Variants in SLC25A25 observed in about 807,000 individuals in gnomAD.
The protein encoded by SLC25A25 is mitochondrial adenyl nucleotide antiporter SLC25A25.
SLC25A25 carries 32 observed loss-of-function variants against 57.7 expected under a neutral mutation model. The observed-to-expected ratio is 0.55, with a 90% CI of 0.42 to 0.74. The LOEUF (loss-of-function observed/expected upper bound fraction) is 0.74, where lower values mean the gene tolerates loss of function less well. Among genes scored for constraint, SLC25A25 ranks in the 30% least tolerant of loss-of-function variants. SLC25A25 has a pLI of 0.00. For missense variants in SLC25A25, 556 were observed against 701.3 expected (o/e 0.79, Z 2.34); for synonymous variants, 306 against 291.2 (o/e 1.05, Z -0.52).
chr9:128,083,014 G>T (rs1833187354), intron 1 of SLC25A25, among the ~76,000 whole-genome samples: 1 of 151,376 alleles, frequency 6.6e-6, no homozygotes, highest in Non-Finnish European at 1.5e-5. Flanking sequence ...AGATCACAAG[G>T]TCAGGAGTTC....
At chr9:128,074,890 C>A (rs977995291) in intron 1 of SLC25A25, among the ~76,000 whole-genome samples, 6 of 152,068 alleles carry the variant, frequency 3.9e-5, no homozygotes, top group African/African-American at 1.4e-4. Context: ...AATCTCAGCA[C>A]TTTGGGAGGC....
chr9:128,107,361 T>C lies in SLC25A25; in HGVS notation c.1465T>C (p.Phe489Leu), dbSNP rs1395840845. ...FGLYRGLAPN[F>L]MKVIPAVSIS... Reference sequence around the variant, plus strand: ...GCTGTACAGGGGGCTGGCCCCCAACTTCATGAAGGTCATCCCAGCTGTGAG... The same window carrying C: ...GCTGTACAGGGGGCTGGCCCCCAACCTCATGAAGGTCATCCCAGCTGTGAG... Residue 489 changes from phenylalanine (F) to leucine (L), a missense_variant, in exon 11 of 11, where the codon TTC (phenylalanine) becomes CTC (leucine). By Grantham distance (22) the Phe-to-Leu change is conservative. Around this residue, in one of 3 missense-constraint regions of SLC25A25, gnomAD observed 294 missense variants for 389.6 expected, o/e 0.75. Transcript: ENST00000373069. The C allele has an allele frequency of 6.6e-7, 1 of 1,515,776 alleles. No individual in the cohort carries two copies. Among genetic ancestry groups the C allele is most frequent in the Non-Finnish European group, 8.8e-7 (1 of 1,130,750 alleles). 93.9% of individuals were successfully genotyped at this position (1,515,776 alleles called of 1,614,324 possible). A position where few individuals can be genotyped will look rare whatever the true frequency, so the allele number is the denominator to read the frequency against.
intron 1 of SLC25A25, chr9:128,092,023 G>A (rs1366489189): frequency 1.2e-6 from 2 of 1,613,992 alleles, no homozygotes; most frequent in East Asian, 4.5e-5. Context: ...AGGACGGAAG[G>A]GCTGAGGCCA....
At position 128,098,495 on chromosome 9, in the gene SLC25A25, C is replaced by T. The variant is rs2130811761; in HGVS notation, c.262-2601C>T. ...GGCCAGGCTTGTCTTATGCAAGTTT[C>T]CCGGGACCGGCAGCATTTAGGGAAC... On this transcript the variant is annotated intron_variant, in intron 1 of 10. Coordinates refer to ENST00000373069, the MANE Select transcript of SLC25A25 (RefSeq NM_001330988.2). The T allele has an allele frequency of 3.2e-6, 5 of 1,544,910 alleles. No homozygotes were observed. The South Asian group carries it at 4.9e-5, about 15-fold the overall frequency.
chr9:128,094,672 C>T lies in SLC25A25; in HGVS notation c.262-6424C>T, dbSNP rs550255080. 1.5e-3 allele frequency among the ~76,000 whole-genome samples: 233 copies of T among 152,314 alleles called. 2 individuals carry two copies. Among genetic ancestry groups the T allele is most frequent in the Non-Finnish European group, 2.2e-3 (151 of 68,030 alleles). On this transcript the variant is annotated intron_variant, in intron 1 of 10. Transcript: ENST00000373069. ...AGAGGAACTTTCTGACCTAATGCTACACTCCCAGAGGCACTGTACCTGCCC... is the reference window on the plus strand; with the variant it reads ...AGAGGAACTTTCTGACCTAATGCTATACTCCCAGAGGCACTGTACCTGCCC...
intron 1 of SLC25A25, chr9:128,098,363 C>T (rs1833630047): frequency 1.0e-6 from 1 of 991,272 alleles, no homozygotes; most frequent in African/African-American, 1.7e-5. Flanking sequence ...CCACCTTCTC[C>T]CCCGGGCTCT....
Position 128,108,106 on chromosome 9 carries a change from G to C in SLC25A25, c.*662G>C. 2 of 399,608 alleles carry C rather than the reference G, an allele frequency of 5.0e-6. No homozygotes were observed. The highest frequency in any genetic ancestry group is 1.3e-4 in the South Asian group (1 of 7,882). The allele number at this position is 399,608 out of a possible 1,614,324, so 24.8% of individuals were successfully genotyped here. A position where few individuals can be genotyped will look rare whatever the true frequency, so the allele number is the denominator to read the frequency against. ...CTTGGGAGTGCAGGGGGCTCGGGCT[G>C]CCTGGCCTGGCTGCACAGAAGGCAA... is the stretch of plus-strand genomic sequence containing the variant. On this transcript the variant is annotated 3_prime_UTR_variant, in exon 11 of 11. Transcript: ENST00000373069.
chr9:128,104,274 T>C (rs1833926796), intron 6 of SLC25A25, among the ~76,000 whole-genome samples: 3 of 152,164 alleles, frequency 2.0e-5, no homozygotes, highest in Admixed American at 1.3e-4. Flanking sequence ...CAAGGCAGAA[T>C]TGTGAAACTG....
chr9:128,107,100 C>T lies in SLC25A25; in HGVS notation c.1284C>T (p.Ala428=), dbSNP rs771156426. The change falls in exon 10 of 11, where the codon GCC becomes GCT. Residue 428 remains alanine (A), a synonymous_variant. Transcript: ENST00000373069. ...ACCCCGGCGTGTTTGTGCTCCTGGC[C>T]TGTGGCACCATGTCCAGTACCTGTG... ...SADPGVFVLL[A]CGTMSSTCGQ... 1.9e-5 allele frequency: 30 copies of T among 1,614,130 alleles called. No individual in the cohort carries two copies. The highest frequency in any genetic ancestry group is 3.3e-5 in the Admixed American group (2 of 60,020).
At chr9:128,074,244 G>C (rs1257671856) in intron 1 of SLC25A25, among the ~76,000 whole-genome samples, 3 of 148,442 alleles carry the variant, frequency 2.0e-5, no homozygotes, top group Non-Finnish European at 3.0e-5. Flanking sequence ...GTTTCACCAT[G>C]TTGGCCAGAC....
intron 1 of SLC25A25, among the ~76,000 whole-genome samples, chr9:128,077,516 T>TAAAAAAAATAAAAAAAAAAA (rs1833044382): frequency 1.0e-5 from 1 of 100,364 alleles, no homozygotes; most frequent in Non-Finnish European, 1.9e-5. Flanking sequence ...GACTCCGTCT[T>TAAAAAAAATAAAAAAAAAAA]AAAAAAAAAA....
Position 128,068,565 on chromosome 9 carries a change from C to G in SLC25A25, c.246C>G (p.Thr82=). The G allele has an allele frequency of 2.8e-6, 4 of 1,418,304 alleles. No homozygotes were observed. The highest frequency in any genetic ancestry group is 5.5e-5 in the East Asian group (2 of 36,268). The allele number at this position is 1,418,304 out of a possible 1,614,324, so 87.9% of individuals were successfully genotyped here. The change falls in exon 1 of 11, where the codon ACC becomes ACG. Residue 82 remains threonine, a synonymous_variant. Coordinates refer to ENST00000373069, the MANE Select transcript of SLC25A25 (RefSeq NM_001330988.2). ...TGCGGCGCCTGGGACTGCACCGCAC[C>G]GAGGGCGAGCTCCAGGTAGGCTGCG... The part of the protein sequence containing the change: ...VGLRRLGLHR[T]EGELQKIVQA...
Position 128,101,365 on chromosome 9 carries a change from T to C in SLC25A25, c.445T>C (p.Ser149Pro). The change falls in exon 3 of 11, where the codon TCT (serine) becomes CCT (proline). Residue 149 changes from serine (S) to proline (P), a missense_variant. By Grantham distance (74) the Ser-to-Pro change is moderately conservative (BLOSUM62 -1). This residue lies in a region of SLC25A25 where 248 missense variants were observed against 273.5 expected (regional missense o/e 0.91). Coordinates refer to ENST00000373069, the MANE Select transcript of SLC25A25 (RefSeq NM_001330988.2). This position sits in a 1 kb window ranked among gnomAD's most constrained non-coding sequence, Gnocchi z 4.9. ...CCTGCGGGACTTGGGAGTCAAGATA[T>C]CTGAACAGCAGGCAGAAAAAATTCT... ...QSLRDLGVKISEQQAEKILKR... is the reference protein window; with the variant it reads ...QSLRDLGVKIPEQQAEKILKR... 6.2e-7 allele frequency: 1 copy of C among 1,614,228 alleles called. No individual in the cohort carries two copies. Among genetic ancestry groups the C allele is most frequent in the Non-Finnish European group, 8.5e-7 (1 of 1,180,044 alleles).
chr9:128,083,513 C>CT (rs1315501906), intron 1 of SLC25A25, among the ~76,000 whole-genome samples: 3,267 of 117,354 alleles, frequency 0.028, 194 homozygotes, highest in African/African-American at 0.079. Context: ...TTTCTTTTTT[C>CT]TTTTTTTTTT....
At position 128,107,388 on chromosome 9, in the gene SLC25A25, A is replaced by G. The variant is rs756121970; in HGVS notation, c.1492A>G (p.Ile498Val). 25 of 1,512,300 alleles carry G rather than the reference A, an allele frequency of 1.7e-5. No individual in the cohort carries two copies. Among genetic ancestry groups the G allele is most frequent in the Admixed American group, 9.0e-5 (4 of 44,422 alleles). The allele number at this position is 1,512,300 out of a possible 1,614,324, so 93.7% of individuals were successfully genotyped here. ...CATGAAGGTCATCCCAGCTGTGAGC[A>G]TCAGCTACGTGGTCTACGAGAACCT... is the stretch of plus-strand genomic sequence containing the variant. ...NFMKVIPAVS[I>V]SYVVYENLKI... The change falls in exon 11 of 11, where the codon ATC becomes GTC. Residue 498 changes from isoleucine to valine, a missense_variant. Ile to Val is a conservative substitution (Grantham distance 29). Coordinates refer to ENST00000373069, the MANE Select transcript of SLC25A25 (RefSeq NM_001330988.2).
intron 1 of SLC25A25, among the ~76,000 whole-genome samples, chr9:128,089,697 A>G (rs1158056075): frequency 6.7e-6 from 1 of 148,472 alleles, no homozygotes; most frequent in Non-Finnish European, 1.5e-5. Context: ...CAGTGGCACG[A>G]TGATGGCTCA....
At chr9:128,105,058 C>T (rs1035916164) in intron 6 of SLC25A25, among the ~76,000 whole-genome samples, 1 of 148,440 alleles carries the variant, frequency 6.7e-6, no homozygotes, top group Admixed American at 6.8e-5. Context: ...GAGGTTTCAT[C>T]ATGTTGGCCA....
intron 9 of SLC25A25, 67 bp from the exon 10 acceptor site, chr9:128,106,962 C>T: frequency 6.4e-7 from 1 of 1,556,578 alleles, no homozygotes; most frequent in Non-Finnish European, 8.8e-7. Flanking sequence ...GACCCAGTAA[C>T]AGCCCCGTCT....
intron 1 of SLC25A25, among the ~76,000 whole-genome samples, chr9:128,071,534 G>A (rs1275197922): frequency 6.6e-6 from 1 of 150,694 alleles, no homozygotes. Flanking sequence ...CAGCCTCCCT[G>A]GGACTACAGG....
Sources: gnomAD v4.1 joint callset for allele counts (sites outside exome capture counted in the v4.1 genomes callset) on GRCh38, gnomAD v4.1.1 for gene constraint, gnomAD v4.1.1 regional missense constraint, Gnocchi (gnomAD v3.1) non-coding constraint, MANE v1.5 for transcripts, NCBI Gene and HGNC (gene_info 2026-07-23, HGNC 2026-07-21) for gene names.